KMT2E: variants seen among roughly 807,000 people sequenced by gnomAD.
The protein encoded by KMT2E is lysine methyltransferase 2E (inactive).
KMT2E carries 30 observed loss-of-function variants against 184.6 expected under a neutral mutation model. The observed-to-expected ratio is 0.16, with a 90% confidence interval of 0.12 to 0.22. The LOEUF is 0.22. KMT2E is among the 10% of genes least tolerant of loss of function. The pLI is 1.00. For synonymous variants in KMT2E, 815 were observed against 776.5 expected, an observed-to-expected ratio of 1.05 and a Z score of -0.82; for missense variants, 2,023 against 2,237.4, an observed-to-expected ratio of 0.90 and a Z score of 1.93.
intron 3 of KMT2E, among the ~76,000 whole-genome samples, chr7:105,051,908 G>GTT (rs1442736584): frequency 3.9e-5 from 6 of 152,134 alleles, no homozygotes; most frequent in Non-Finnish European, 8.8e-5. Context: ...TTTTGAATCA[G>GTT]TACACTTTTA....
In KMT2E at chr7:105,068,642, T is replaced by TG. The variant is rs1562904419; in HGVS notation, c.497+1835_497+1836insG. Among the ~76,000 whole-genome samples the TG allele has an allele frequency of 3.4e-5, 5 of 146,148 alleles. No individual in the cohort carries two copies. The East Asian group carries it at 6.0e-4, about 17-fold the overall frequency. ...AGTTGTGGTTTTTTTTTTTTTTGTTTTTTTTTTTTTTTTGTAGGCACAGGG... is the reference window on the plus strand; with the variant it reads ...AGTTGTGGTTTTTTTTTTTTTTGTTTGTTTTTTTTTTTTTGTAGGCACAGGG... On this transcript the variant is annotated intron_variant, in intron 6 of 26. Coordinates refer to ENST00000311117, the MANE Select transcript of KMT2E (RefSeq NM_182931.3).
intron 1 of KMT2E, among the ~76,000 whole-genome samples, chr7:105,020,780 C>A (rs958921818): frequency 7.2e-5 from 11 of 152,054 alleles, no homozygotes; most frequent in African/African-American, 2.7e-4. Context: ...GATTAAATAT[C>A]TTTTCCTTAC....
Position 105,112,243 on chromosome 7 carries a change from A to T in KMT2E, c.4487A>T (p.Gln1496Leu). The change falls in exon 27 of 27, where the codon CAA becomes CTA. Residue 1496 changes from glutamine (Q) to leucine (L), a missense_variant. Around this residue, in one of 8 missense-constraint regions of KMT2E, gnomAD observed 1,108 missense variants for 1,050.9 expected, o/e 1.05. Transcript: ENST00000311117. ...GTTGGAACACCTCAGCGAGAGCCTCAAAGAAACTTTTATCCAGCAGCACAG... is the reference window on the plus strand; with the variant it reads ...GTTGGAACACCTCAGCGAGAGCCTCTAAGAAACTTTTATCCAGCAGCACAG... ...PQVGTPQREPQRNFYPAAQNL... is the reference protein window; with the variant it reads ...PQVGTPQREPLRNFYPAAQNL... The T allele has an allele frequency of 6.2e-7, 1 of 1,614,150 alleles. No individual in the cohort carries two copies. Among genetic ancestry groups the T allele is most frequent in the Non-Finnish European group, 8.5e-7 (1 of 1,180,014 alleles).
Position 105,038,213 on chromosome 7 carries a change from T to C in KMT2E, c.-115+14T>C, listed in dbSNP as rs968468430. 2.6e-5 allele frequency: 4 copies of C among 152,214 alleles called. No individual in the cohort carries two copies. The highest frequency in any genetic ancestry group is 9.7e-5 in the African/African-American group (4 of 41,444). The allele number at this position is 152,214 out of a possible 1,614,324, so 9.4% of individuals were successfully genotyped here. ...AGACATCTCATGGTATTTCCTTTTC[T>C]ATTATTTCTTTAATGGCTGCCATTT... On this transcript the variant is annotated intron_variant, in intron 2 of 26. Coordinates refer to ENST00000311117, the MANE Select transcript of KMT2E (RefSeq NM_182931.3).
chr7:105,106,656 G>A lies in KMT2E; in HGVS notation c.2731G>A (p.Ala911Thr). 1.9e-6 allele frequency: 3 copies of A among 1,614,030 alleles called. No homozygotes were observed. The highest frequency in any genetic ancestry group is 2.5e-6 in the Non-Finnish European group (3 of 1,179,974). Reference protein sequence around the residue: ...TDITPMDPSFATPPRIKSDDE... With the variant: ...TDITPMDPSFTTPPRIKSDDE... ...TATTACTCCTATGGACCCATCTTTTGCCACGCCTCCACGGATAAAATCAGA... is the reference window on the plus strand; with the variant it reads ...TATTACTCCTATGGACCCATCTTTTACCACGCCTCCACGGATAAAATCAGA... The change falls in exon 20 of 27, where the codon GCC becomes ACC. Residue 911 changes from alanine (A) to threonine (T), a missense_variant. This residue lies in a region of KMT2E where 514 missense variants were observed against 621.8 expected (regional missense o/e 0.83). Transcript: ENST00000311117.
At chr7:105,042,463 A>G (rs971769869) in intron 3 of KMT2E, among the ~76,000 whole-genome samples, 3 of 152,212 alleles carry the variant, frequency 2.0e-5, no homozygotes, top group Admixed American at 6.5e-5. Context: ...TGTGTTTTAT[A>G]TAAAATATCT....
rs1304115421 is a variant in KMT2E, at chr7:105,109,021, G to T, written c.3548G>T (p.Ser1183Ile). ...GSKTENFPLI[S>I]VSPHASGSLS... Reference sequence around the variant, plus strand: ...AAGACAGAGAACTTTCCACTCATTAGTGTATCACCCCATGCAAGTGGAAGC... The same window carrying T: ...AAGACAGAGAACTTTCCACTCATTATTGTATCACCCCATGCAAGTGGAAGC... The change falls in exon 23 of 27, where the codon AGT (serine) becomes ATT (isoleucine). Residue 1183 changes from serine (S) to isoleucine (I), a missense_variant. Coordinates refer to ENST00000311117, the MANE Select transcript of KMT2E (RefSeq NM_182931.3). 6.2e-7 allele frequency: 1 copy of T among 1,614,040 alleles called. No homozygotes were observed. Among genetic ancestry groups the T allele is most frequent in the Admixed American group, 1.7e-5 (1 of 60,006 alleles).
Position 105,026,373 on chromosome 7 carries a change from C to T in KMT2E, c.-188-11753C>T, listed in dbSNP as rs760109455. On this transcript the variant is annotated intron_variant, in intron 1 of 26. Coordinates refer to ENST00000311117, the MANE Select transcript of KMT2E (RefSeq NM_182931.3). ...ATCAAGATCCAAAGACCTTTGTTGT[C>T]GTGTGAGATTTAAATTCTTTTTTAG... 3.5e-4 allele frequency among the ~76,000 whole-genome samples: 53 copies of T among 152,178 alleles called. 1 individual carries two copies. In the Middle Eastern group the frequency reaches 0.01, roughly 29 times the overall value.
chr7:105,063,661 C>T (rs913817662), intron 5 of KMT2E, 81 bp downstream of exon 5: 2 of 920,298 alleles, frequency 2.2e-6, no homozygotes, highest in African/African-American at 3.4e-5. Flanking sequence ...ACTAAAGTCA[C>T]TTTCAAGGGA....
chr7:105,060,931 C>T (rs1368725155), intron 3 of KMT2E, among the ~76,000 whole-genome samples: 1 of 152,198 alleles, frequency 6.6e-6, no homozygotes, highest in East Asian at 1.9e-4. Flanking sequence ...AAAGTACACT[C>T]TATCATGTTC....
intron 3 of KMT2E, among the ~76,000 whole-genome samples, chr7:105,059,181 A>G (rs1050023052): frequency 1.3e-5 from 2 of 152,226 alleles, no homozygotes; most frequent in Non-Finnish European, 2.9e-5. Context: ...AATTCATGCT[A>G]GTTTTGCTGT....
chr7:105,107,575 G>A lies in KMT2E; in HGVS notation c.3118G>A (p.Glu1040Lys). 1 of 1,614,062 alleles carries A rather than the reference G, an allele frequency of 6.2e-7. No individual in the cohort carries two copies. The highest frequency in any genetic ancestry group is 8.5e-7 in the Non-Finnish European group (1 of 1,179,986). ...VEPTALHKTLETPAHDRAEPN... is the reference protein window; with the variant it reads ...VEPTALHKTLKTPAHDRAEPN... ...GCCAACTGCCCTACATAAAACCCTG[G>A]AAACGCCTGCACATGACAGGGCTGA... is the stretch of plus-strand genomic sequence containing the variant. Residue 1040 changes from glutamate to lysine, a missense_variant, in exon 22 of 27, where the codon GAA becomes AAA. Glu to Lys is a moderately conservative substitution (Grantham distance 56). Transcript: ENST00000311117.
intron 21 of KMT2E, 34 bp downstream of exon 21, chr7:105,107,256 GT>G (rs746572856): frequency 2.0e-6 from 3 of 1,511,830 alleles, no homozygotes; most frequent in South Asian, 1.2e-5. Context: ...TGAATTGGTA[GT>G]TTTTTTCCTA....
intron 13 of KMT2E, among the ~76,000 whole-genome samples, chr7:105,084,471 A>C (rs1797882155): frequency 6.6e-6 from 1 of 151,872 alleles, no homozygotes; most frequent in Admixed American, 6.6e-5. Context: ...ACTAAAAATA[A>C]AAAAAATTAT....
At position 105,077,139 on chromosome 7, in the gene KMT2E, G is replaced by C; in HGVS notation, c.945G>C (p.Glu315Asp). 1 of 1,614,016 alleles carries C rather than the reference G, an allele frequency of 6.2e-7. No homozygotes were observed. Among genetic ancestry groups the C allele is most frequent in the Non-Finnish European group, 8.5e-7 (1 of 1,179,974 alleles). ...LRLGNGNDKK[E>D]MNKSDLNTNN... ...TAGGCAATGGAAATGACAAAAAAGAGATGAATAAATCCGATTTGAATACCA... is the reference window on the plus strand; with the variant it reads ...TAGGCAATGGAAATGACAAAAAAGACATGAATAAATCCGATTTGAATACCA... Residue 315 changes from glutamate to aspartate, a missense_variant, in exon 10 of 27, where the codon GAG becomes GAC. Glu to Asp is a conservative substitution (Grantham distance 45, BLOSUM62 2). Transcript: ENST00000311117.
intron 6 of KMT2E, among the ~76,000 whole-genome samples, chr7:105,067,160 A>G (rs1443287932): frequency 6.7e-6 from 1 of 149,228 alleles, no homozygotes; most frequent in Non-Finnish European, 1.5e-5. Context: ...TTTTATGTGT[A>G]TTCTTACTAT....
In KMT2E at chr7:105,113,070, G is replaced by C. The variant is rs1217901609; in HGVS notation, c.5314G>C (p.Gly1772Arg). 6.2e-7 allele frequency: 1 copy of C among 1,613,838 alleles called. No homozygotes were observed. The highest frequency in any genetic ancestry group is 8.5e-7 in the Non-Finnish European group (1 of 1,179,994). ...PSQATHHTTL[G>R]PGPQHQPSGT... Reference sequence around the variant, plus strand: ...ACAAGCTACACATCATACCACTTTGGGACCGGGACCCCAGCACCAGCCTTC... The same window carrying C: ...ACAAGCTACACATCATACCACTTTGCGACCGGGACCCCAGCACCAGCCTTC... Residue 1772 changes from glycine to arginine, a missense_variant, in exon 27 of 27, where the codon GGA (glycine) becomes CGA (arginine). This residue lies in a region of KMT2E where 1,108 missense variants were observed against 1,050.9 expected (regional missense o/e 1.05). Transcript: ENST00000311117.
In KMT2E at chr7:105,107,184, A is replaced by G; in HGVS notation, c.2866A>G (p.Ser956Gly). 2 of 1,540,290 alleles carry G rather than the reference A, an allele frequency of 1.3e-6. No homozygotes were observed. The highest frequency in any genetic ancestry group is 2.4e-5 in the South Asian group (2 of 81,772). The stretch of plus-strand genomic sequence containing the variant: ...TATACAGAATATTTCTTCCCCAGAA[A>G]GTTCTCCAGAAATAAAGAGACGCAC... ...MHFENISSPE[S>G]SPEIKRRTYS... The change falls in exon 21 of 27, where the codon AGT becomes GGT. Residue 956 changes from serine (S) to glycine (G), a missense_variant. Around this residue, in one of 8 missense-constraint regions of KMT2E, gnomAD observed 514 missense variants for 621.8 expected, o/e 0.83. Transcript: ENST00000311117.
intron 3 of KMT2E, among the ~76,000 whole-genome samples, chr7:105,043,264 T>G (rs1795957930): frequency 6.8e-6 from 1 of 148,066 alleles, no homozygotes; most frequent in Admixed American, 6.8e-5. Context: ...TGAGACGGAG[T>G]CTTGCTCTGT....
Sources: allele counts gnomAD v4.1 joint callset (sites outside exome capture counted in the v4.1 genomes callset), GRCh38; gene constraint gnomAD v4.1.1; regional missense constraint gnomAD v4.1.1; transcripts MANE v1.5; gene names NCBI Gene and HGNC (gene_info 2026-07-23, HGNC 2026-07-21).